ADAM17: variants seen among roughly 807,000 people sequenced by gnomAD.
ADAM17 encodes the protein disintegrin and metalloproteinase domain-containing protein 17.
Under a neutral mutation model 96.7 loss-of-function variants are expected in ADAM17, and 39 were observed. The observed-to-expected ratio is 0.40, with a 90% CI of 0.31 to 0.53. The LOEUF (loss-of-function observed/expected upper bound fraction) is 0.53. ADAM17 is among the 20% of genes least tolerant of loss of function. The pLI is 0.44. For synonymous variants in ADAM17, 344 were observed against 359.2 expected (o/e 0.96, Z 0.48); for missense variants, 777 against 1,013.2 (o/e 0.77, Z 3.17).
chr2:9,534,594 TTCATAA>T (rs1415922010), intron 4 of ADAM17, among the ~76,000 whole-genome samples: 2 of 152,050 alleles, frequency 1.3e-5, no homozygotes, highest in African/African-American at 4.8e-5. Context: ...CACGAAAAGG[TTCATAA>T]TCATATTGTT....
intron 16 of ADAM17, among the ~76,000 whole-genome samples, chr2:9,493,238 T>C (rs1271704460): frequency 6.6e-6 from 1 of 152,226 alleles, no homozygotes; most frequent in African/African-American, 2.4e-5. Context: ...CTGGAGTAGC[T>C]GTGTCAACAG....
chr2:9,555,819 C>G lies in ADAM17; in HGVS notation c.-214G>C. The G allele has an allele frequency of 2.3e-6, 1 of 433,484 alleles. No homozygotes were observed. The highest frequency in any genetic ancestry group is 3.5e-5 in the East Asian group (1 of 28,276). 26.9% of individuals were successfully genotyped at this position (433,484 alleles called of 1,614,324 possible). ...TACCAAAGGCCGGCTCAGCCAGCTT[C>G]CGGCCGCCGCTGTCCCCCGCACCAC... On this transcript the variant is annotated 5_prime_UTR_variant, in exon 1 of 19. Transcript: ENST00000310823.
At chr2:9,521,020 T>C (rs1460958615) in intron 8 of ADAM17, among the ~76,000 whole-genome samples, 183 bp downstream of exon 8, 1 of 147,286 alleles carries the variant, frequency 6.8e-6, no homozygotes, top group Non-Finnish European at 1.5e-5. Flanking sequence ...TTCTTTTTCA[T>C]AGAGTTTTTG....
intron 2 of ADAM17, among the ~76,000 whole-genome samples, chr2:9,540,086 A>G (rs956485142): frequency 3.3e-5 from 5 of 152,236 alleles, no homozygotes; most frequent in Non-Finnish European, 7.3e-5. Flanking sequence ...CATCTACGAA[A>G]CTTGAAAGAG....
rs1476799008 is a variant in ADAM17 at position 9,505,295 on chromosome 2, T to A, written c.1415A>T (p.Glu472Val). The change falls in exon 12 of 19, where the codon GAA becomes GTA. Residue 472 changes from glutamate to valine, a missense_variant. Transcript: ENST00000310823. ...GTTCCCACAAACTTTATTGCTGCGT[T>A]CTTGAAAACACTCCTGGGCCTTACT... ...IESKAQECFQ[E>V]RSNKVCGNSR... 3 of 1,614,086 alleles carry A rather than the reference T, an allele frequency of 1.9e-6. No homozygotes were observed. Among genetic ancestry groups the A allele is most frequent in the Non-Finnish European group, 2.5e-6 (3 of 1,180,048 alleles).
At chr2:9,520,175 A>G (rs370681672) in intron 8 of ADAM17, among the ~76,000 whole-genome samples, 5 of 152,254 alleles carry the variant, frequency 3.3e-5, no homozygotes, top group African/African-American at 1.2e-4. Context: ...TATGGGATAA[A>G]TAAGTGTTGT....
At chr2:9,528,009 C>A in intron 4 of ADAM17, 55 bp from the exon 5 acceptor site, 1 of 1,158,040 alleles carries the variant, frequency 8.6e-7, no homozygotes, top group Admixed American at 3.2e-5. Flanking sequence ...TTCCTAAACA[C>A]TAAATTCTTC....
At chr2:9,516,771 A>G (rs896780020) in intron 10 of ADAM17, among the ~76,000 whole-genome samples, 4 of 152,134 alleles carry the variant, frequency 2.6e-5, no homozygotes, top group African/African-American at 9.7e-5. Flanking sequence ...TAAAAATTAA[A>G]TAAAAATTAA....
At chr2:9,555,137 A>C (rs1665699825) in intron 1 of ADAM17, among the ~76,000 whole-genome samples, 1 of 152,120 alleles carries the variant, frequency 6.6e-6, no homozygotes, top group South Asian at 2.1e-4. Context: ...GGAACACACA[A>C]CACTAGATTT....
At chr2:9,533,437 C>T (rs1664833858) in intron 4 of ADAM17, among the ~76,000 whole-genome samples, 1 of 152,026 alleles carries the variant, frequency 6.6e-6, no homozygotes, top group African/African-American at 2.4e-5. Context: ...ATCCCAGCTA[C>T]TCGGGAGGCT....
At chr2:9,528,359 GC>G (rs1190065579) in intron 4 of ADAM17, among the ~76,000 whole-genome samples, 1 of 152,154 alleles carries the variant, frequency 6.6e-6, no homozygotes, top group Non-Finnish European at 1.5e-5. Context: ...TGTTCATGCA[GC>G]ATTTTCATTT....
rs141454222 is a variant in ADAM17, at chr2:9,551,461, A to C, written c.97+4048T>G. Reference sequence around the variant, plus strand: ...TAAATATAAAATTCATTTATGTTTCATTTATTCACTTACTTTGAGATGGAG... The same window carrying C: ...TAAATATAAAATTCATTTATGTTTCCTTTATTCACTTACTTTGAGATGGAG... On this transcript the variant is annotated intron_variant, in intron 1 of 18. Coordinates refer to ENST00000310823, the MANE Select transcript of ADAM17 (RefSeq NM_003183.6). Among the ~76,000 whole-genome samples, 513 of 152,256 alleles carry C rather than the reference A, an allele frequency of 3.4e-3. 2 individuals are homozygous for C. The highest frequency in any genetic ancestry group is 0.012 in the African/African-American group (488 of 41,546).
chr2:9,501,873 A>G (rs1490822167), intron 13 of ADAM17, among the ~76,000 whole-genome samples: 2 of 152,142 alleles, frequency 1.3e-5, no homozygotes, highest in Non-Finnish European at 2.9e-5. Flanking sequence ...AAACACATAC[A>G]TGCACAAAAT....
At chr2:9,529,897 G>A (rs1664670571) in intron 4 of ADAM17, among the ~76,000 whole-genome samples, 2 of 151,792 alleles carry the variant, frequency 1.3e-5, no homozygotes, top group Non-Finnish European at 2.9e-5. Flanking sequence ...CTTGAACCCA[G>A]GAGGCAGAGG....
intron 1 of ADAM17, among the ~76,000 whole-genome samples, chr2:9,554,203 G>A (rs1308829110): frequency 6.6e-6 from 1 of 152,162 alleles, no homozygotes; most frequent in Non-Finnish European, 1.5e-5. Context: ...AATAACATAA[G>A]TGAAACAGTT....
At position 9,536,805 on chromosome 2, in the gene ADAM17, G is replaced by A. The variant is rs1482460929; in HGVS notation, c.254C>T (p.Ser85Leu). Residue 85 changes from serine to leucine, a missense_variant, in exon 3 of 19, where the codon TCA (serine) becomes TTA (leucine). Physicochemically the swap from Ser to Leu is moderately radical, Grantham distance 145 (BLOSUM62 -2). Around this residue, in one of 3 missense-constraint regions of ADAM17, gnomAD observed 134 missense variants for 129.1 expected, o/e 1.04. Transcript: ENST00000310823. ...ATTTTGTGAAAAACGTTCAGTACTT[G>A]ATGTCAGGTATAATTTAAAATGCCT... is the stretch of plus-strand genomic sequence containing the variant. ...LKRHFKLYLTSSTERFSQNFK... is the reference protein window; with the variant it reads ...LKRHFKLYLTLSTERFSQNFK... The A allele has an allele frequency of 6.2e-7, 1 of 1,613,970 alleles. No individual in the cohort carries two copies. Among genetic ancestry groups the A allele is most frequent in the Non-Finnish European group, 8.5e-7 (1 of 1,179,914 alleles).
chr2:9,529,699 G>A (rs796992317), intron 4 of ADAM17, among the ~76,000 whole-genome samples: 2 of 152,204 alleles, frequency 1.3e-5, no homozygotes, highest in African/African-American at 2.4e-5. Flanking sequence ...TGCCGGGCGC[G>A]ATGGCTCACG....
At chr2:9,505,091 G>C in intron 12 of ADAM17, 75 bp downstream of exon 12, 1 of 1,485,158 alleles carries the variant, frequency 6.7e-7, no homozygotes, top group Non-Finnish European at 9.3e-7. Flanking sequence ...TAAAGCCCCT[G>C]CAAGTTCAGT....
chr2:9,492,104 G>C (rs1355302252), intron 17 of ADAM17, among the ~76,000 whole-genome samples: 1 of 152,216 alleles, frequency 6.6e-6, no homozygotes, highest in Non-Finnish European at 1.5e-5. Flanking sequence ...GGAAAGGAAA[G>C]GAAGGAGGCA....
Sources: gnomAD v4.1 joint callset for allele counts (sites outside exome capture counted in the v4.1 genomes callset) on GRCh38, gnomAD v4.1.1 for gene constraint, gnomAD v4.1.1 regional missense constraint, MANE v1.5 for transcripts, NCBI Gene and HGNC (gene_info 2026-07-23, HGNC 2026-07-21) for gene names.